TOX: variants seen among roughly 807,000 people sequenced by gnomAD.
TOX encodes thymocyte selection-associated high mobility group box protein TOX.
A neutral mutation model predicts 53.7 loss-of-function variants in TOX; 11 were observed. That is an observed-to-expected ratio of 0.20 (90% CI 0.13 to 0.34). TOX has a LOEUF of 0.34. Among genes scored for constraint, TOX ranks in the 10% least tolerant of loss-of-function variants. The probability of loss-of-function intolerance (pLI) is 1.00; values close to 1 mark genes in which losing one functional copy is unlikely to be tolerated. For synonymous variants in TOX, 225 were observed against 245.3 expected (o/e 0.92, Z 0.77); for missense variants, 570 against 664.6 (o/e 0.86, Z 1.56).
chr8:59,061,827 G>A (rs550961121), intron 1 of TOX, among the ~76,000 whole-genome samples: 75 of 152,146 alleles, frequency 4.9e-4, no homozygotes, highest in African/African-American at 1.6e-3. Context: ...ATCCACGTGC[G>A]CCCATGCCCA....
At chr8:59,094,173 A>T (rs1804671700) in intron 1 of TOX, among the ~76,000 whole-genome samples, 1 of 152,240 alleles carries the variant, frequency 6.6e-6, no homozygotes, top group South Asian at 2.1e-4. Context: ...CTTAAATAAA[A>T]ATAGTAAAAA....
At chr8:58,885,351 T>G (rs1260826163) in intron 3 of TOX, among the ~76,000 whole-genome samples, 2 of 152,160 alleles carry the variant, frequency 1.3e-5, no homozygotes, top group African/African-American at 4.8e-5. Flanking sequence ...GATTGGAACC[T>G]ATTGCTACTT....
At chr8:59,113,854 C>G (rs187503909) in intron 1 of TOX, among the ~76,000 whole-genome samples, 1 of 152,126 alleles carries the variant, frequency 6.6e-6, no homozygotes, top group Admixed American at 6.5e-5. Flanking sequence ...GAGAAACACC[C>G]GCAGGGTCTT....
intron 1 of TOX, among the ~76,000 whole-genome samples, chr8:59,067,505 C>G (rs1043664255): frequency 2.6e-5 from 4 of 151,982 alleles, no homozygotes; most frequent in Non-Finnish European, 4.4e-5. Context: ...CAGTGAGCTG[C>G]GATCACACCA....
At chr8:59,093,214 C>G (rs1457602169) in intron 1 of TOX, among the ~76,000 whole-genome samples, 2 of 152,186 alleles carry the variant, frequency 1.3e-5, no homozygotes, top group South Asian at 4.1e-4. Flanking sequence ...CCAGTTCCAG[C>G]TTCATCACTT....
intron 3 of TOX, among the ~76,000 whole-genome samples, chr8:58,862,296 T>C (rs911511455): frequency 6.6e-6 from 1 of 152,164 alleles, no homozygotes. Flanking sequence ...CAAATATTTG[T>C]CTGCCAAAAT....
At chr8:58,932,000 C>T (rs911704334) in intron 3 of TOX, among the ~76,000 whole-genome samples, 16 of 152,168 alleles carry the variant, frequency 1.1e-4, no homozygotes, top group East Asian at 3.9e-4. Context: ...AGCCCCAAAT[C>T]GTTAACATAC....
chr8:58,829,571 A>G (rs890114974), intron 5 of TOX, among the ~76,000 whole-genome samples: 6 of 152,206 alleles, frequency 3.9e-5, no homozygotes, highest in African/African-American at 1.2e-4. Context: ...ATTGTGTTGA[A>G]AGGGGAGTAG....
At chr8:59,047,776 T>C (rs1803716228) in intron 1 of TOX, among the ~76,000 whole-genome samples, 3 of 152,278 alleles carry the variant, frequency 2.0e-5, no homozygotes, top group Non-Finnish European at 2.9e-5. Flanking sequence ...AAAAACACCA[T>C]ATAAGCTAAT....
intron 1 of TOX, among the ~76,000 whole-genome samples, chr8:59,078,249 A>C (rs1222841143): frequency 6.6e-6 from 1 of 151,412 alleles, no homozygotes; most frequent in African/African-American, 2.4e-5. Context: ...TGCTAGGGAG[A>C]CTCTTCCTCC....
intron 2 of TOX, among the ~76,000 whole-genome samples, chr8:58,958,944 T>G (rs1812753877): frequency 1.3e-5 from 2 of 152,158 alleles, no homozygotes; most frequent in African/African-American, 2.4e-5. Flanking sequence ...ACAACCTTAA[T>G]GAAGAAAAAG....
intron 1 of TOX, among the ~76,000 whole-genome samples, chr8:58,998,536 T>TGAATTTATATATAATAAATTTATGTA (rs1554537362): frequency 5.3e-5 from 2 of 37,746 alleles, no homozygotes; most frequent in African/African-American, 2.7e-4. Context: ...TATATATATA[T>TGAATTTATATATAATAAATTTATGTA]ATAAATTTAT....
intron 3 of TOX, among the ~76,000 whole-genome samples, chr8:58,921,792 G>T (rs1027283907): frequency 2.6e-5 from 4 of 152,092 alleles, no homozygotes; most frequent in Non-Finnish European, 5.9e-5. Flanking sequence ...ATAGCTGTTG[G>T]ACTCAAAATC....
At chr8:58,841,652 T>C (rs1377487667) in intron 4 of TOX, among the ~76,000 whole-genome samples, 2 of 152,212 alleles carry the variant, frequency 1.3e-5, no homozygotes, top group Non-Finnish European at 2.9e-5. Context: ...GAGTAGGTTT[T>C]AAGCGTTCTC....
intron 2 of TOX, among the ~76,000 whole-genome samples, chr8:58,952,579 T>C (rs7016545): frequency 0.95 from 144,455 of 152,280 alleles, 68,581 homozygotes; most frequent in East Asian, 1. Flanking sequence ...GCAGTAGTGC[T>C]ACAACTCCTC....
At chr8:58,950,356 G>A (rs1028644926) in intron 2 of TOX, among the ~76,000 whole-genome samples, 2 of 152,184 alleles carry the variant, frequency 1.3e-5, no homozygotes, top group Admixed American at 6.5e-5. Context: ...TCTGCATAAA[G>A]AAGCCAAATT....
At chr8:58,897,326 A>G (rs530381779) in intron 3 of TOX, among the ~76,000 whole-genome samples, 1 of 152,310 alleles carries the variant, frequency 6.6e-6, no homozygotes, top group East Asian at 1.9e-4. Flanking sequence ...GCAGAATTTA[A>G]TAATTTGGAT....
At chr8:59,002,081 T>C (rs990499749) in intron 1 of TOX, among the ~76,000 whole-genome samples, 1 of 150,728 alleles carries the variant, frequency 6.6e-6, no homozygotes, top group African/African-American at 2.4e-5. Flanking sequence ...TTCAAGTAAT[T>C]ATCCTGCTGT....
At chr8:58,873,284 A>G (rs1410317121) in intron 3 of TOX, among the ~76,000 whole-genome samples, 1 of 152,168 alleles carries the variant, frequency 6.6e-6, no homozygotes, top group Non-Finnish European at 1.5e-5. Context: ...GAATTACAAC[A>G]TGATGATACT....
Sources: allele counts gnomAD v4.1 joint callset (sites outside exome capture counted in the v4.1 genomes callset), GRCh38; gene constraint gnomAD v4.1.1; transcripts MANE v1.5; gene names NCBI Gene and HGNC (gene_info 2026-07-23, HGNC 2026-07-21).